Variants in MYL4 observed in about 807,000 individuals in gnomAD.
MYL4 encodes the protein atrial myosin light chain 1.
In MYL4, 16 loss-of-function variants were observed where a neutral mutation model predicts 21.6. The ratio of observed to expected loss-of-function variants is 0.74; its 90% confidence interval spans 0.50 to 1.12. The LOEUF is 1.12. MYL4 is among the 50% of genes most tolerant of loss of function. The pLI, the probability that MYL4 is intolerant of heterozygous loss-of-function variation, is 0.00. For missense variants in MYL4, 249 were observed against 252.9 expected, an observed-to-expected ratio of 0.98 and a Z score of 0.11; for synonymous variants, 82 against 95.7, an observed-to-expected ratio of 0.86 and a Z score of 0.83.
the MYL4 span, among the ~76,000 whole-genome samples, chr17:47,193,129 G>A: frequency 4.6e-5 from 7 of 151,948 alleles, no homozygotes; most frequent in African/African-American, 1.7e-4. Flanking sequence ...TGTTGCGTGC[G>A]GTTTTATGGC....
chr17:47,210,921 G>A (rs1006331145), intron 1 of MYL4, among the ~76,000 whole-genome samples: 5 of 152,044 alleles, frequency 3.3e-5, no homozygotes, highest in Non-Finnish European at 7.4e-5. Context: ...ATCCCTCCTC[G>A]CCTTTATTTC....
downstream of MYL4, among the ~76,000 whole-genome samples, chr17:47,225,857 T>TC (rs1598663153): frequency 1.0e-5 from 1 of 96,842 alleles, no homozygotes; most frequent in South Asian, 4.2e-4. Flanking sequence ...CTTCCCTTCT[T>TC]TTTTTTTTTT....
chr17:47,197,659 A>G (rs2064694502), upstream of MYL4, among the ~76,000 whole-genome samples: 1 of 136,168 alleles, frequency 7.3e-6, no homozygotes, highest in South Asian at 2.3e-4. Flanking sequence ...TCTCACTTTC[A>G]GTACAGTATT....
upstream of MYL4, among the ~76,000 whole-genome samples, chr17:47,205,674 C>A (rs567443387): frequency 5.3e-5 from 8 of 152,306 alleles, no homozygotes; most frequent in African/African-American, 1.9e-4. Flanking sequence ...ATTTGAGGAG[C>A]GTCTCCTCCC....
At chr17:47,216,695 C>CTTTTTTTTTTTTTTT (rs200874260) in intron 2 of MYL4, among the ~76,000 whole-genome samples, 1 of 141,868 alleles carries the variant, frequency 7.0e-6, no homozygotes. Flanking sequence ...TTTTCTTTTT[C>CTTTTTTTTTTTTTTT]TTTCTTTTTT....
chr17:47,208,088 T>A (rs541495592), upstream of MYL4, among the ~76,000 whole-genome samples: 1 of 152,222 alleles, frequency 6.6e-6, no homozygotes, highest in Non-Finnish European at 1.5e-5. Context: ...AGTTTTAGTC[T>A]CAATCTCCCC....
upstream of MYL4, chr17:47,209,084 T>G: frequency 2.4e-6 from 1 of 417,894 alleles, no homozygotes; most frequent in East Asian, 5.2e-5. Flanking sequence ...TCCGGCATAT[T>G]TGAGAAGGTC....
upstream of MYL4, among the ~76,000 whole-genome samples, chr17:47,199,284 T>A (rs1308635856): frequency 2.2e-5 from 3 of 138,032 alleles, no homozygotes; most frequent in African/African-American, 5.5e-5. Context: ...GCTGGAGAGA[T>A]AGAGCAAGAC....
chr17:47,206,058 GC>G (rs1483601663), upstream of MYL4, among the ~76,000 whole-genome samples: 1 of 152,148 alleles, frequency 6.6e-6, no homozygotes, highest in Non-Finnish European at 1.5e-5. Flanking sequence ...TGTTTGCAGT[GC>G]CTTACTTAAC....
In MYL4 at chr17:47,222,490, C is replaced by T. The variant is rs368635199; in HGVS notation, c.565+33C>T. On this transcript the variant is annotated intron_variant, in intron 5 of 6. Transcript: ENST00000393450. The stretch of plus-strand genomic sequence containing the variant: ...GCCGCGCCTTGCATCCCAGGGCAGC[C>T]AGGGATGGTAGGATGGGAACAGCTT... 80 of 1,608,672 alleles carry T rather than the reference C, an allele frequency of 5.0e-5. No homozygotes were observed. The African/African-American group carries it at 9.4e-4, about 19-fold the overall frequency.
rs780942692 is a variant in MYL4 at position 47,213,882 on chromosome 17, G to T, written c.163+56G>T. 3 of 1,577,972 alleles carry T rather than the reference G, an allele frequency of 1.9e-6. No individual in the cohort carries two copies. The East Asian group carries it at 6.7e-5, about 35-fold the overall frequency. ...CTATTGCACTTTCCTGGAGGAGGAGGAGGAGGAGGAAGAAGAGGAGGAGTA... is the reference window on the plus strand; with the variant it reads ...CTATTGCACTTTCCTGGAGGAGGAGTAGGAGGAGGAAGAAGAGGAGGAGTA... On this transcript the variant is annotated intron_variant, in intron 2 of 6. Coordinates refer to ENST00000393450, the MANE Select transcript of MYL4 (RefSeq NM_002476.2).
At chr17:47,205,009 GACCTCTCT>G (rs1252604979), upstream of MYL4, among the ~76,000 whole-genome samples, 1 of 152,176 alleles carries the variant, frequency 6.6e-6, no homozygotes, top group Non-Finnish European at 1.5e-5. Flanking sequence ...GACTCTAATG[GACCTCTCT>G]GAGCAGGACA....
At chr17:47,194,423 G>A in the MYL4 span, among the ~76,000 whole-genome samples, 88 of 152,264 alleles carry the variant, frequency 5.8e-4, no homozygotes, top group African/African-American at 1.9e-3. Context: ...AAAAAGGAAG[G>A]CCAGAGTGCT....
At chr17:47,225,998 T>C (rs1045818208), downstream of MYL4, among the ~76,000 whole-genome samples, 3 of 152,048 alleles carry the variant, frequency 2.0e-5, no homozygotes, top group African/African-American at 4.8e-5. Context: ...ACATAGTACC[T>C]GATAGGTAGT....
chr17:47,213,602 A>C (rs891187780), intron 1 of MYL4, among the ~76,000 whole-genome samples, 197 bp from the exon 2 acceptor site: 5 of 152,176 alleles, frequency 3.3e-5, no homozygotes, highest in African/African-American at 1.2e-4. Context: ...ACGGTATTTT[A>C]TAGCCTGTCA....
chr17:47,214,578 G>T lies in MYL4; in HGVS notation c.163+752G>T, dbSNP rs117151256. Among the ~76,000 whole-genome samples the T allele has an allele frequency of 5.3e-3, 807 of 152,206 alleles. 7 individuals are homozygous for T. Among genetic ancestry groups the T allele is most frequent in the Middle Eastern group, 0.031 (9 of 294 alleles). On this transcript the variant is annotated intron_variant, in intron 2 of 6. Coordinates refer to ENST00000393450, the MANE Select transcript of MYL4 (RefSeq NM_002476.2). ...ACATACTCTCTTTTAAAACTTAAAT[G>T]AATATTTGCACATGGTAAAACAAAA...
chr17:47,208,300 G>A (rs1299824008), upstream of MYL4, among the ~76,000 whole-genome samples: 1 of 152,056 alleles, frequency 6.6e-6, no homozygotes, highest in Admixed American at 6.6e-5. Flanking sequence ...CAAGTGTGCT[G>A]GTGTGCACCT....
chr17:47,193,138 G>A, the MYL4 span, among the ~76,000 whole-genome samples: 3 of 151,842 alleles, frequency 2.0e-5, no homozygotes, highest in East Asian at 5.8e-4. Flanking sequence ...CGGTTTTATG[G>A]CCTCCTTACC....
At chr17:47,203,814 A>T (rs1285684722) in intron 1 of MYL4, among the ~76,000 whole-genome samples, 5 of 152,192 alleles carry the variant, frequency 3.3e-5, no homozygotes, top group Non-Finnish European at 5.9e-5. Context: ...CTGGGGGTGA[A>T]TGAGCCCTAA....
Sources: allele counts gnomAD v4.1 joint callset (sites outside exome capture counted in the v4.1 genomes callset), GRCh38; gene constraint gnomAD v4.1.1; transcripts MANE v1.5; gene names NCBI Gene and HGNC (gene_info 2026-07-23, HGNC 2026-07-21).